The following STK3 variants were observed in gnomAD, a reference collection of about 807,000 sequenced individuals.
STK3 encodes the protein serine/threonine kinase 3.
STK3 carries 41 observed loss-of-function variants against 58.0 expected under a neutral mutation model. That is an observed-to-expected ratio of 0.71 (90% CI 0.55 to 0.92). The LOEUF is 0.92. Ranked by LOEUF, STK3 falls within the 40% of genes least tolerant of loss-of-function variation. STK3 has a pLI of 0.00. For synonymous variants in STK3, 170 were observed against 191.0 expected (o/e 0.89, Z 0.91); for missense variants, 479 against 602.7 (o/e 0.79, Z 2.15).
At chr8:98,584,370 T>C (rs545794748) in intron 7 of STK3, among the ~76,000 whole-genome samples, 2,668 of 152,010 alleles carry the variant, frequency 0.018, 74 homozygotes, top group African/African-American at 0.061. Context: ...GTTCTTGCGA[T>C]AGTTTACTGA....
intron 1 of STK3, among the ~76,000 whole-genome samples, chr8:98,381,073 T>C (rs1817726943): frequency 6.8e-6 from 1 of 148,076 alleles, no homozygotes; most frequent in Non-Finnish European, 1.5e-5. Flanking sequence ...CAGGTTCAAG[T>C]GATTCTCTTG....
chr8:98,455,936 C>CGGGAG lies in STK3; in HGVS notation c.1381_1382insCTCCC (p.Arg461ProfsTer5). 6.2e-7 allele frequency: 1 copy of CGGGAG among 1,613,292 alleles called. No individual in the cohort carries two copies. Among genetic ancestry groups the CGGGAG allele is most frequent in the Non-Finnish European group, 8.5e-7 (1 of 1,179,658 alleles). ...TCTCTGACGAAGTTCTTCTATCTCCCGTTCCATCATGGGGTCCAGTGCTTT... is the reference window on the plus strand; with the variant it reads ...TCTCTGACGAAGTTCTTCTATCTCCCGGGAGGTTCCATCATGGGGTCCAGTGCTTT... On this transcript the variant is annotated frameshift_variant, in exon 11 of 11. Transcript: ENST00000419617. LOFTEE classifies it high-confidence loss of function.
intron 6 of STK3, among the ~76,000 whole-genome samples, chr8:98,660,993 C>T (rs997279981): frequency 6.6e-6 from 1 of 151,352 alleles, no homozygotes; most frequent in South Asian, 2.1e-4. Flanking sequence ...AATGAAAGGA[C>T]ACTAGATACT....
At chr8:98,901,789 C>T (rs1370446899) in intron 1 of STK3, among the ~76,000 whole-genome samples, 1 of 152,222 alleles carries the variant, frequency 6.6e-6, no homozygotes, top group South Asian at 2.1e-4. Context: ...TGTCTGAAAT[C>T]CTCAGCCTTC....
intron 10 of STK3, among the ~76,000 whole-genome samples, chr8:98,504,295 G>A (rs1823869003): frequency 6.6e-6 from 1 of 152,150 alleles, no homozygotes; most frequent in Non-Finnish European, 1.5e-5. Context: ...CTGCATGTGA[G>A]ATGGGTCTCC....
At chr8:98,856,500 G>T (rs1232329285) in intron 3 of STK3, among the ~76,000 whole-genome samples, 1 of 152,190 alleles carries the variant, frequency 6.6e-6, no homozygotes, top group East Asian at 1.9e-4. Context: ...TGAAGCCACA[G>T]TGAGATACCA....
In STK3 at chr8:98,811,269, C is replaced by A. The variant is rs1312102562; in HGVS notation, c.26+14246G>T. Among the ~76,000 whole-genome samples, 3 of 152,218 alleles carry A rather than the reference C, an allele frequency of 2.0e-5. No individual in the cohort carries two copies. In the East Asian group the frequency reaches 5.8e-4, roughly 29 times the overall value. On this transcript the variant is annotated intron_variant, in intron 1 of 10. Coordinates refer to ENST00000419617, the MANE Select transcript of STK3 (RefSeq NM_006281.4). ...AAGTGCCTTCTACCTGATTTCAGCT[C>A]TGTAACTGTCAATCTCTTTTTCTCT...
downstream of STK3, among the ~76,000 whole-genome samples, chr8:98,370,869 C>T (rs762259910): frequency 6.6e-6 from 1 of 152,158 alleles, no homozygotes; most frequent in Non-Finnish European, 1.5e-5. Flanking sequence ...TCTTTACACC[C>T]GAGTCTCAGT....
At chr8:98,397,955 C>G (rs1817909772), downstream of STK3, among the ~76,000 whole-genome samples, 1 of 152,148 alleles carries the variant, frequency 6.6e-6, no homozygotes, top group African/African-American at 2.4e-5. Flanking sequence ...AACTGTGAGT[C>G]AATTAAACCT....
chr8:98,374,138 T>C (rs571409209), intron 2 of STK3, among the ~76,000 whole-genome samples: 2 of 152,306 alleles, frequency 1.3e-5, no homozygotes, highest in African/African-American at 4.8e-5. Context: ...AGAAGCGTGA[T>C]GAAGGGAACG....
chr8:98,607,021 C>G (rs1205721987), intron 6 of STK3, among the ~76,000 whole-genome samples: 2 of 152,062 alleles, frequency 1.3e-5, no homozygotes, highest in Non-Finnish European at 2.9e-5. Flanking sequence ...CTTGTGGGGT[C>G]TGAGCTAACT....
intron 8 of STK3, among the ~76,000 whole-genome samples, chr8:98,548,698 A>G (rs190190183): frequency 6.8e-4 from 103 of 152,260 alleles, no homozygotes; most frequent in Non-Finnish European, 1.1e-3. Context: ...CACCACCATT[A>G]TATGTTTACA....
At chr8:98,478,738 T>C (rs959142520) in intron 10 of STK3, among the ~76,000 whole-genome samples, 19 of 152,200 alleles carry the variant, frequency 1.2e-4, no homozygotes, top group African/African-American at 4.1e-4. Context: ...GAAGATTACA[T>C]GAGACCACAG....
rs1831013896 is a variant in STK3 at position 98,767,355 on chromosome 8, A to G, written c.124T>C (p.Phe42Leu). The G allele has an allele frequency of 6.2e-7, 1 of 1,605,118 alleles. No homozygotes were observed. The highest frequency in any genetic ancestry group is 1.7e-5 in the Admixed American group (1 of 57,478). Residue 42 changes from phenylalanine to leucine, a missense_variant, in exon 3 of 11, where the codon TTT becomes CTT. By Grantham distance (22) the Phe-to-Leu change is conservative. Transcript: ENST00000419617. ...CCGGATTCCTTGTGTATTGCTTTAA[A>G]TACACTTCCATAAGACCTAAAAGAA... Reference protein sequence around the residue: ...KLGEGSYGSVFKAIHKESGQV... With the variant: ...KLGEGSYGSVLKAIHKESGQV...
intron 6 of STK3, among the ~76,000 whole-genome samples, chr8:98,665,918 T>C (rs1299797010): frequency 6.6e-6 from 1 of 151,894 alleles, no homozygotes; most frequent in African/African-American, 2.4e-5. Context: ...TTAGCCAGGA[T>C]GGTCTCGATC....
chr8:98,415,487 A>G (rs192754326), intron 3 of STK3, among the ~76,000 whole-genome samples: 54 of 152,266 alleles, frequency 3.5e-4, no homozygotes, highest in Admixed American at 1.5e-3. Flanking sequence ...TTCTTCAAAC[A>G]TCTTCTCATC....
chr8:98,761,039 C>T (rs537864051), intron 3 of STK3, among the ~76,000 whole-genome samples: 3 of 151,996 alleles, frequency 2.0e-5, no homozygotes, highest in African/African-American at 7.2e-5. Context: ...AATATGGAAT[C>T]AATCTAAGTG....
intron 3 of STK3, among the ~76,000 whole-genome samples, chr8:98,844,359 G>A (rs563223816): frequency 6.0e-4 from 91 of 152,216 alleles, no homozygotes; most frequent in African/African-American, 2.1e-3. Flanking sequence ...TTCAGCTATG[G>A]GAATATGATG....
chr8:98,744,629 G>T (rs919724375), intron 4 of STK3, among the ~76,000 whole-genome samples: 27 of 150,550 alleles, frequency 1.8e-4, no homozygotes, highest in Admixed American at 1.8e-3. Context: ...TATACCTAAT[G>T]CTAAATGACG....
Sources: gnomAD v4.1 joint callset for allele counts (sites outside exome capture counted in the v4.1 genomes callset) on GRCh38, gnomAD v4.1.1 for gene constraint, MANE v1.5 for transcripts, NCBI Gene and HGNC (gene_info 2026-07-23, HGNC 2026-07-21) for gene names.